The following NAALADL2 variants were observed in gnomAD, a reference collection of about 807,000 sequenced individuals.
The protein encoded by NAALADL2 is N-acetylated alpha-linked acidic dipeptidase like 2.
NAALADL2 carries 76 observed loss-of-function variants against 87.2 expected under a neutral mutation model. The observed-to-expected ratio is 0.87, with a 90% CI of 0.72 to 1.05. The LOEUF is 1.05. NAALADL2 is among the 50% of genes least tolerant of loss of function. The pLI, the probability that NAALADL2 is intolerant of heterozygous loss-of-function variation, is 0.00. For synonymous variants in NAALADL2, 354 were observed against 331.0 expected, an observed-to-expected ratio of 1.07 and a Z score of -0.75; for missense variants, 1,089 against 945.8, an observed-to-expected ratio of 1.15 and a Z score of -1.99.
chr3:174,567,968 A>G (rs1487633083), intron 2 of NAALADL2, among the ~76,000 whole-genome samples: 1 of 151,766 alleles, frequency 6.6e-6, no homozygotes, highest in African/African-American at 2.4e-5. Flanking sequence ...TATTTGTTCA[A>G]TATTATTTCT....
At chr3:175,489,698 G>C (rs1727778486) in intron 9 of NAALADL2, among the ~76,000 whole-genome samples, 1 of 152,114 alleles carries the variant, frequency 6.6e-6, no homozygotes, top group South Asian at 2.1e-4. Flanking sequence ...ATTTTTAGAA[G>C]TAAGCTAAGT....
At chr3:175,368,036 A>T (rs1393172463) in intron 5 of NAALADL2, among the ~76,000 whole-genome samples, 1 of 152,132 alleles carries the variant, frequency 6.6e-6, no homozygotes, top group African/African-American at 2.4e-5. Flanking sequence ...TCCCATCAAT[A>T]CCTAATTTAT....
rs187564758 is a variant in NAALADL2, at chr3:175,784,290, C to T, written c.2190-18715C>T. On this transcript the variant is annotated intron_variant, in intron 13 of 13. Transcript: ENST00000454872. Reference sequence around the variant, plus strand: ...TTCAGAAGGAATGGTAGCAGTTCCTCCTTGTACCTCTGATAGAATTCGGCT... The same window carrying T: ...TTCAGAAGGAATGGTAGCAGTTCCTTCTTGTACCTCTGATAGAATTCGGCT... 9.7e-3 allele frequency among the ~76,000 whole-genome samples: 1,476 copies of T among 152,142 alleles called. 22 individuals carry two copies. Among genetic ancestry groups the T allele is most frequent in the African/African-American group, 0.034 (1,412 of 41,434 alleles).
At chr3:175,323,960 G>T (rs1178212379) in intron 4 of NAALADL2, among the ~76,000 whole-genome samples, 1 of 148,240 alleles carries the variant, frequency 6.7e-6, no homozygotes, top group East Asian at 2.0e-4. Context: ...GGAGGTTGCA[G>T]TGAGCTGAGA....
At chr3:175,357,284 A>G (rs1309623405) in intron 5 of NAALADL2, among the ~76,000 whole-genome samples, 1 of 152,138 alleles carries the variant, frequency 6.6e-6, no homozygotes, top group Non-Finnish European at 1.5e-5. Context: ...ATGCTGCTGT[A>G]TTATTTAGGC....
intron 1 of NAALADL2, among the ~76,000 whole-genome samples, chr3:175,050,028 C>T (rs1234446879): frequency 6.6e-6 from 1 of 152,060 alleles, no homozygotes; most frequent in Non-Finnish European, 1.5e-5. Flanking sequence ...CTCTGATTAC[C>T]TCCCAAATTC....
chr3:175,083,065 C>T (rs1299445897), intron 1 of NAALADL2, among the ~76,000 whole-genome samples: 1 of 152,138 alleles, frequency 6.6e-6, no homozygotes, highest in Non-Finnish European at 1.5e-5. Context: ...TAAGAAACAC[C>T]AGTTCTGAAA....
At chr3:175,588,540 T>C (rs1191120870) in intron 10 of NAALADL2, among the ~76,000 whole-genome samples, 2 of 130,902 alleles carry the variant, frequency 1.5e-5, no homozygotes, top group African/African-American at 5.9e-5. Flanking sequence ...TTTTCTTTTT[T>C]TTTTTTTTTT....
intron 1 of NAALADL2, among the ~76,000 whole-genome samples, chr3:174,988,509 A>G (rs1158236563): frequency 1.3e-5 from 2 of 152,194 alleles, no homozygotes; most frequent in African/African-American, 2.4e-5. Context: ...GTCTGCCACA[A>G]CCACATGCCA....
At chr3:174,782,829 A>T (rs1351579895) in intron 3 of NAALADL2, among the ~76,000 whole-genome samples, 1 of 152,082 alleles carries the variant, frequency 6.6e-6, no homozygotes, top group East Asian at 1.9e-4. Context: ...AACAGCATGG[A>T]GGTAACCGCC....
At chr3:174,614,793 TTTG>T (rs1442078171) in intron 2 of NAALADL2, among the ~76,000 whole-genome samples, 5 of 152,196 alleles carry the variant, frequency 3.3e-5, no homozygotes, top group African/African-American at 9.7e-5. Context: ...GCTTCAGCTT[TTTG>T]TTGTTGTTTT....
chr3:175,283,725 C>T (rs545696891), intron 4 of NAALADL2, among the ~76,000 whole-genome samples: 8 of 152,172 alleles, frequency 5.3e-5, no homozygotes, highest in Non-Finnish European at 1.0e-4. Flanking sequence ...GGTTCCTGTG[C>T]GGCTTGTGAG....
At chr3:174,792,299 G>A (rs1006258480) in intron 3 of NAALADL2, among the ~76,000 whole-genome samples, 51 of 151,852 alleles carry the variant, frequency 3.4e-4, no homozygotes, top group African/African-American at 1.1e-3. Flanking sequence ...AGGGAGGGAG[G>A]GAGGCAGGCA....
At chr3:175,631,403 T>C (rs1326230518) in intron 11 of NAALADL2, among the ~76,000 whole-genome samples, 2 of 151,398 alleles carry the variant, frequency 1.3e-5, no homozygotes, top group African/African-American at 4.8e-5. Context: ...ACATGGGATG[T>C]GAACTGTGAG....
intron 9 of NAALADL2, among the ~76,000 whole-genome samples, chr3:175,537,738 A>G (rs984008134): frequency 6.6e-6 from 1 of 152,178 alleles, no homozygotes; most frequent in Non-Finnish European, 1.5e-5. Flanking sequence ...AGCATAAATG[A>G]TGAGGTTAGC....
At chr3:175,205,818 T>C (rs1252659061) in intron 2 of NAALADL2, among the ~76,000 whole-genome samples, 2 of 148,332 alleles carry the variant, frequency 1.3e-5, no homozygotes, top group African/African-American at 2.5e-5. Flanking sequence ...AAAGAAGATA[T>C]ACAAATGGCC....
At chr3:174,720,810 A>G (rs539439299) in intron 2 of NAALADL2, among the ~76,000 whole-genome samples, 1 of 152,352 alleles carries the variant, frequency 6.6e-6, no homozygotes, top group Admixed American at 6.5e-5. Context: ...TTTGGTTAAT[A>G]AATTCTTGCC....
intron 2 of NAALADL2, among the ~76,000 whole-genome samples, chr3:174,697,698 A>G (rs1018867939): frequency 6.6e-6 from 1 of 152,188 alleles, no homozygotes; most frequent in Non-Finnish European, 1.5e-5. Flanking sequence ...CATGGCCCCT[A>G]GTTTTCACTT....
chr3:175,591,122 C>T (rs1292630725), intron 10 of NAALADL2, among the ~76,000 whole-genome samples: 2 of 152,026 alleles, frequency 1.3e-5, no homozygotes, highest in African/African-American at 4.8e-5. Context: ...GACACTTCAA[C>T]TTGTATAGGT....
Sources: gnomAD v4.1 joint callset for allele counts (sites outside exome capture counted in the v4.1 genomes callset) on GRCh38, gnomAD v4.1.1 for gene constraint, MANE v1.5 for transcripts, NCBI Gene and HGNC (gene_info 2026-07-23, HGNC 2026-07-21) for gene names.